METTL21A: variants seen among roughly 807,000 people sequenced by gnomAD.
The protein encoded by METTL21A is methyltransferase 21A, HSPA lysine.
In METTL21A, 22 loss-of-function variants were observed where a neutral mutation model predicts 20.9. The ratio of observed to expected loss-of-function variants is 1.05; its 90% confidence interval spans 0.75 to 1.50. METTL21A has a LOEUF of 1.50. METTL21A is among the 40% of genes most tolerant of loss of function. METTL21A has a pLI of 0.00. For synonymous variants in METTL21A, 93 were observed against 102.0 expected (o/e 0.91, Z 0.53); for missense variants, 271 against 266.8 (o/e 1.02, Z -0.11).
chr2:207,624,406 T>A lies in METTL21A; in HGVS notation c.-29-2A>T, dbSNP rs749150206. On this transcript the variant is annotated splice_acceptor_variant, in intron 1 of 3. Coordinates refer to ENST00000406927, the Ensembl canonical transcript of METTL21A. LOFTEE classifies it low-confidence loss of function (5UTR_SPLICE). ...CTGCACCCCGCCCTCTGCTCAGACC[T>A]GCCGTGCAAAAGAATCCTGGGTGAC... 2 of 1,598,320 alleles carry A rather than the reference T, an allele frequency of 1.3e-6. No individual in the cohort carries two copies. The highest frequency in any genetic ancestry group is 3.6e-5 in the Admixed American group (2 of 56,178).
At chr2:207,609,682 G>C (rs1233963788), downstream of METTL21A, 2 of 152,236 alleles carry the variant, frequency 1.3e-5, no homozygotes, top group Non-Finnish European at 2.9e-5. Flanking sequence ...AGCAGGGAAA[G>C]CTTGGGAAAG....
chr2:207,615,912 GT>G (rs779297058), intron 3 of METTL21A, among the ~76,000 whole-genome samples: 5 of 147,632 alleles, frequency 3.4e-5, no homozygotes, highest in East Asian at 4.0e-4. Context: ...TTCTATGATT[GT>G]TTTTTTTTTC....
At chr2:207,596,829 C>G in intron 3 of METTL21A, 1 of 1,511,424 alleles carries the variant, frequency 6.6e-7, no homozygotes, top group South Asian at 1.2e-5. Context: ...TGAGCTATTT[C>G]TTTAAAAAAG....
At chr2:207,624,352 C>A (rs771790024) in exon 2 of METTL21A, 1 of 1,613,826 alleles carries the variant, frequency 6.2e-7, no homozygotes, top group South Asian at 1.1e-5. Context: ...ATTCCGTGGT[C>A]TCCTCATAGG....
chr2:207,604,681 C>G (rs556522066), downstream of METTL21A, among the ~76,000 whole-genome samples: 6 of 152,304 alleles, frequency 3.9e-5, no homozygotes, highest in South Asian at 1.2e-3. Context: ...ACCACCACTT[C>G]TATCTAGCTC....
chr2:207,593,936 C>G (rs1286259837), intron 3 of METTL21A, among the ~76,000 whole-genome samples: 1 of 152,128 alleles, frequency 6.6e-6, no homozygotes, highest in Non-Finnish European at 1.5e-5. Flanking sequence ...CCAGGCTGGT[C>G]TCAAACTCCT....
At chr2:207,582,273 T>C (rs185360464) in intron 3 of METTL21A, 2 of 649,144 alleles carry the variant, frequency 3.1e-6, no homozygotes, top group African/African-American at 3.6e-5. Context: ...CTTTTCTCTT[T>C]AAAGTTTTGC....
chr2:207,590,966 CTTCTTTTTT>C (rs2084925927), intron 3 of METTL21A, among the ~76,000 whole-genome samples: 1 of 152,070 alleles, frequency 6.6e-6, no homozygotes. Context: ...TCCTTTGAGA[CTTCTTTTTT>C]GACCTATAGA....
intron 3 of METTL21A, among the ~76,000 whole-genome samples, chr2:207,617,392 A>G (rs2089913556): frequency 6.6e-6 from 1 of 152,204 alleles, no homozygotes; most frequent in Non-Finnish European, 1.5e-5. Flanking sequence ...CAAAGAAAAA[A>G]TCCCAAAGGA....
At chr2:207,612,878 TG>T in exon 4 of METTL21A, 1 of 603,890 alleles carries the variant, frequency 1.7e-6, no homozygotes, top group Admixed American at 3.6e-5. Context: ...ATCACAGCAA[TG>T]GGACAAAGCA....
At chr2:207,596,617 A>G (rs1211206703) in intron 3 of METTL21A, among the ~76,000 whole-genome samples, 1 of 152,268 alleles carries the variant, frequency 6.6e-6, no homozygotes, top group Non-Finnish European at 1.5e-5. Flanking sequence ...TGTTTATAGT[A>G]GAGAGGGGTT....
intron 3 of METTL21A, among the ~76,000 whole-genome samples, chr2:207,587,857 G>A (rs1274542807): frequency 6.6e-6 from 1 of 152,142 alleles, no homozygotes; most frequent in Non-Finnish European, 1.5e-5. Context: ...ATCTAGGTTG[G>A]TAGAATGATT....
At position 207,582,053 on chromosome 2, in the gene METTL21A, A is replaced by C. The variant is rs191779293; in HGVS notation, c.*94T>G. 28 of 700,716 alleles carry C rather than the reference A, an allele frequency of 4.0e-5. No individual in the cohort carries two copies. The Admixed American group carries it at 5.6e-4, about 14-fold the overall frequency. 43.4% of individuals were successfully genotyped at this position (700,716 alleles called of 1,614,324 possible). On this transcript the variant is annotated 3_prime_UTR_variant, in exon 4 of 4. Transcript: ENST00000425132. ...GAGCACATACATAATTGGCGATATTAACTTTGATCACTTGGTTAAAGTGCT... is the reference window on the plus strand; with the variant it reads ...GAGCACATACATAATTGGCGATATTCACTTTGATCACTTGGTTAAAGTGCT...
In METTL21A at chr2:207,584,974, T is replaced by C. The variant is rs185551986; in HGVS notation, c.260-2814A>G. Among the ~76,000 whole-genome samples, 205 of 152,276 alleles carry C rather than the reference T, an allele frequency of 1.3e-3. 1 individual carries two copies. The highest frequency in any genetic ancestry group is 1.2e-3 in the Non-Finnish European group (80 of 68,020). ...TTGTACATCATGCTTGTGGTATTTATGAATTTTCTGCCTGGATAGGCCCAG... is the reference window on the plus strand; with the variant it reads ...TTGTACATCATGCTTGTGGTATTTACGAATTTTCTGCCTGGATAGGCCCAG... On this transcript the variant is annotated intron_variant, in intron 3 of 3. Coordinates refer to the METTL21A transcript ENST00000425132.
intron 3 of METTL21A, among the ~76,000 whole-genome samples, chr2:207,584,421 C>T (rs563490842): frequency 5.3e-5 from 8 of 151,554 alleles, no homozygotes; most frequent in Admixed American, 6.6e-5. Context: ...TTTTTTGAGA[C>T]GGAGTCTCCC....
At chr2:207,596,713 G>A (rs1448463822) in intron 3 of METTL21A, among the ~76,000 whole-genome samples, 2 of 152,170 alleles carry the variant, frequency 1.3e-5, no homozygotes, top group East Asian at 1.9e-4. Flanking sequence ...GATTACAGGC[G>A]TGAGCCGCCA....
rs55879019 is a variant in METTL21A, at chr2:207,597,867, A to G, written c.260-15707T>C. ...TACAAAGCATATTTTAGTTAGTACT[A>G]AATTCTTAGTAAAATGCTGATCAGT... On this transcript the variant is annotated intron_variant, in intron 3 of 3. Transcript: ENST00000425132. 3.2e-4 allele frequency: 61 copies of G among 190,666 alleles called. 1 individual carries two copies. The East Asian group carries it at 5.0e-3, about 16-fold the overall frequency. The allele number at this position is 190,666 out of a possible 1,614,324, so 11.8% of individuals were successfully genotyped here. A position where few individuals can be genotyped will look rare whatever the true frequency, so the allele number is the denominator to read the frequency against.
chr2:207,589,604 CT>C lies in METTL21A; in HGVS notation c.260-7445del, dbSNP rs1382189771. On this transcript the variant is annotated intron_variant, in intron 3 of 3. Coordinates refer to the METTL21A transcript ENST00000425132. Reference sequence around the variant, plus strand: ...ATAGCTGTAGGGTCTCTGTAAAAAGCTCTTCATTACATTTTTTTAAAAACTC... The same window carrying C: ...ATAGCTGTAGGGTCTCTGTAAAAAGCCTTCATTACATTTTTTTAAAAACTC... Among the ~76,000 whole-genome samples, 9 of 152,242 alleles carry C rather than the reference CT, an allele frequency of 5.9e-5. No individual in the cohort carries two copies. In the South Asian group the frequency reaches 1.0e-3, roughly 18 times the overall value.
intron 3 of METTL21A, chr2:207,599,093 T>C (rs1034538877): frequency 1.0e-5 from 2 of 190,562 alleles, no homozygotes; most frequent in African/African-American, 2.3e-5. Flanking sequence ...GAACAGAGTT[T>C]ATGAAGGAGC....
Sources: allele counts gnomAD v4.1 joint callset (sites outside exome capture counted in the v4.1 genomes callset), GRCh38; gene constraint gnomAD v4.1.1; transcripts MANE v1.5; gene names NCBI Gene and HGNC (gene_info 2026-07-23, HGNC 2026-07-21).